The following ACTR3B variants were observed in gnomAD, a reference collection of about 807,000 sequenced individuals.
ACTR3B encodes the protein actin related protein 3B.
In ACTR3B, 8 loss-of-function variants were observed where a neutral mutation model predicts 59.0. That is an observed-to-expected ratio of 0.14 (90% CI 0.08 to 0.24). ACTR3B has a LOEUF of 0.24. ACTR3B is among the 10% of genes least tolerant of loss of function. ACTR3B has a pLI of 1.00. For missense variants in ACTR3B, 245 were observed against 552.3 expected, an observed-to-expected ratio of 0.44 and a Z score of 5.58; for synonymous variants, 148 against 197.9, an observed-to-expected ratio of 0.75 and a Z score of 2.12.
In ACTR3B at chr7:152,824,912, T is replaced by C; in HGVS notation, c.859-118T>C. 8.7e-7 allele frequency: 1 copy of C among 1,155,710 alleles called. No individual in the cohort carries two copies. The highest frequency in any genetic ancestry group is 2.7e-5 in the East Asian group (1 of 37,304). 71.6% of individuals were successfully genotyped at this position (1,155,710 alleles called of 1,614,324 possible). On this transcript the variant is annotated intron_variant, in intron 8 of 11. Coordinates refer to ENST00000256001, the MANE Select transcript of ACTR3B (RefSeq NM_020445.6). The surrounding 1 kb of genome is among the most constrained non-coding windows in gnomAD (Gnocchi z 4.2). The stretch of plus-strand genomic sequence containing the variant: ...ATTTGACATATCCTTCATTCCAATG[T>C]GAATTCTTTTAAGTTATAATAAATT...
At chr7:152,795,992 C>T (rs374444679) in intron 2 of ACTR3B, among the ~76,000 whole-genome samples, 8 of 151,934 alleles carry the variant, frequency 5.3e-5, no homozygotes, top group South Asian at 2.1e-4. Context: ...TATAGGCGCC[C>T]GCCCCCATGC....
chr7:152,800,556 G>T lies in ACTR3B; in HGVS notation c.126G>T (p.Lys42Asn). Residue 42 changes from lysine (K) to asparagine (N), a missense_variant, in exon 3 of 12, where the codon AAG (lysine) becomes AAT (asparagine). By Grantham distance (94) the Lys-to-Asn change is moderately conservative (BLOSUM62 0). Around this residue, in one of 7 missense-constraint regions of ACTR3B, gnomAD observed 14 missense variants for 16.2 expected, o/e 0.86. Coordinates refer to ENST00000256001, the MANE Select transcript of ACTR3B (RefSeq NM_020445.6). ...PSCIAIRESA[K>N]VVDQAQRRVL... ...GTATTGCCATCAGAGAGTCAGCAAA[G>T]GTAGTTGACCAAGCTCAAAGGAGAG... 1 of 1,613,962 alleles carries T rather than the reference G, an allele frequency of 6.2e-7. No individual in the cohort carries two copies. The highest frequency in any genetic ancestry group is 8.5e-7 in the Non-Finnish European group (1 of 1,179,922).
chr7:152,846,210 CG>C (rs1441816553), intron 9 of ACTR3B, among the ~76,000 whole-genome samples: 16 of 142,620 alleles, frequency 1.1e-4, no homozygotes, highest in Non-Finnish European at 1.2e-4. Flanking sequence ...CCCCAGCGCC[CG>C]GGGCTGTAGT....
At chr7:152,760,478 G>A (rs1759405831) in intron 1 of ACTR3B, among the ~76,000 whole-genome samples, 1 of 152,200 alleles carries the variant, frequency 6.6e-6, no homozygotes, top group African/African-American at 2.4e-5. Context: ...GGAGAGAATA[G>A]CATCGATCTC....
intron 4 of ACTR3B, among the ~76,000 whole-genome samples, chr7:152,802,781 G>A (rs2116746400): frequency 6.6e-6 from 1 of 152,184 alleles, no homozygotes; most frequent in African/African-American, 2.4e-5. Context: ...AATTCTTTCT[G>A]ATGTTAGGAT....
intron 9 of ACTR3B, among the ~76,000 whole-genome samples, chr7:152,835,878 A>T (rs1003469588): frequency 1.1e-4 from 16 of 151,940 alleles, no homozygotes; most frequent in African/African-American, 4.8e-5. Context: ...TGTCAGATTC[A>T]TTGCTGACCC....
In ACTR3B at chr7:152,852,132, G is replaced by A. The variant is rs752433041; in HGVS notation, c.958G>A (p.Val320Ile). The A allele has an allele frequency of 5.6e-6, 9 of 1,613,988 alleles. No individual in the cohort carries two copies. The highest frequency in any genetic ancestry group is 5.0e-5 in the Admixed American group (3 of 60,008). The change falls in exon 10 of 12, where the codon GTA (valine) becomes ATA (isoleucine). Residue 320 changes from valine to isoleucine, a missense_variant. Around this residue, in one of 7 missense-constraint regions of ACTR3B, gnomAD observed 153 missense variants for 266.2 expected, o/e 0.57. Transcript: ENST00000256001. ...DVRRPLYKNV[V>I]LSGGSTMFRD... ...TCTGCTTTGTGTCTTGTAGAATGTC[G>A]TACTCTCAGGAGGCTCCACCATGTT...
chr7:152,794,837 C>T (rs1426108004), intron 2 of ACTR3B, among the ~76,000 whole-genome samples: 3 of 152,142 alleles, frequency 2.0e-5, no homozygotes, highest in East Asian at 1.9e-4. Context: ...CCACTTCACT[C>T]GTGCTTTCTT....
intron 6 of ACTR3B, among the ~76,000 whole-genome samples, chr7:152,820,018 T>C (rs1796024041): frequency 1.3e-5 from 2 of 152,280 alleles, no homozygotes; most frequent in Admixed American, 6.5e-5. Flanking sequence ...AACTATCTTA[T>C]GTGGTTTTTC....
chr7:152,774,541 A>G (rs548702920), intron 1 of ACTR3B, among the ~76,000 whole-genome samples: 1 of 152,210 alleles, frequency 6.6e-6, no homozygotes, highest in South Asian at 2.1e-4. Flanking sequence ...TGTTTAGTCC[A>G]TCATTTAAAC....
At chr7:152,825,613 G>T (rs1355118980) in intron 9 of ACTR3B, among the ~76,000 whole-genome samples, 4 of 152,048 alleles carry the variant, frequency 2.6e-5, no homozygotes, top group African/African-American at 9.7e-5. Flanking sequence ...CACCATGCCC[G>T]GCCAACTGGA....
chr7:152,760,261 C>T (rs1420555765), intron 1 of ACTR3B, among the ~76,000 whole-genome samples: 1 of 152,204 alleles, frequency 6.6e-6, no homozygotes, highest in Non-Finnish European at 1.5e-5. Context: ...GGGGTGGACA[C>T]CCTGAGGGAC....
chr7:152,777,168 A>G (rs1384392930), intron 1 of ACTR3B, among the ~76,000 whole-genome samples: 1 of 152,160 alleles, frequency 6.6e-6, no homozygotes, highest in Admixed American at 6.5e-5. Context: ...ACCCTTTACT[A>G]TCACCTGTGT....
chr7:152,849,344 G>A (rs1032493277), intron 9 of ACTR3B, among the ~76,000 whole-genome samples: 3 of 152,172 alleles, frequency 2.0e-5, no homozygotes, highest in Non-Finnish European at 4.4e-5. Flanking sequence ...TGGGGGTTCC[G>A]GAGGATCGCT....
chr7:152,819,024 T>C (rs1045212332), intron 6 of ACTR3B, among the ~76,000 whole-genome samples: 32 of 152,284 alleles, frequency 2.1e-4, no homozygotes, highest in Admixed American at 1.6e-3. Context: ...TATTTAACAG[T>C]ATTTTAGAAA....
intron 9 of ACTR3B, among the ~76,000 whole-genome samples, chr7:152,835,174 C>T (rs541720155): frequency 6.6e-6 from 1 of 152,264 alleles, no homozygotes; most frequent in South Asian, 2.1e-4. Flanking sequence ...CCGCGTGGGT[C>T]TCCACGTGGG....
chr7:152,854,071 G>A lies in ACTR3B; in HGVS notation c.1162-387G>A, dbSNP rs1046302965. Among the ~76,000 whole-genome samples, 10 of 152,110 alleles carry A rather than the reference G, an allele frequency of 6.6e-5. No individual in the cohort carries two copies. Among genetic ancestry groups the A allele is most frequent in the East Asian group, 3.8e-4 (2 of 5,200 alleles). ...AATAATCACACAACACATTTATCACGTGTCCTTGCTAATTAGGGGTTACAG... is the reference window on the plus strand; with the variant it reads ...AATAATCACACAACACATTTATCACATGTCCTTGCTAATTAGGGGTTACAG... On this transcript the variant is annotated intron_variant, in intron 11 of 11. Coordinates refer to ENST00000256001, the MANE Select transcript of ACTR3B (RefSeq NM_020445.6). The surrounding 1 kb of genome is among the most constrained non-coding windows in gnomAD (Gnocchi z 4.9).
chr7:152,776,869 A>G (rs1023919437), intron 1 of ACTR3B, among the ~76,000 whole-genome samples: 2 of 152,172 alleles, frequency 1.3e-5, no homozygotes, highest in Non-Finnish European at 2.9e-5. Context: ...TATATTATAC[A>G]TCCGTTTATG....
chr7:152,850,897 G>A (rs1026330812), intron 9 of ACTR3B, among the ~76,000 whole-genome samples: 1 of 152,138 alleles, frequency 6.6e-6, no homozygotes, highest in Non-Finnish European at 1.5e-5. Context: ...TCAGGAACTC[G>A]GGAAGAGCTA....
Sources: allele counts gnomAD v4.1 joint callset (sites outside exome capture counted in the v4.1 genomes callset), GRCh38; gene constraint gnomAD v4.1.1; regional missense constraint gnomAD v4.1.1; non-coding constraint Gnocchi (gnomAD v3.1); transcripts MANE v1.5; gene names NCBI Gene and HGNC (gene_info 2026-07-23, HGNC 2026-07-21).